AXIN1: variants seen among roughly 807,000 people sequenced by gnomAD.
AXIN1 encodes the protein axin-1.
In AXIN1, 30 loss-of-function variants were observed where a neutral mutation model predicts 76.4. The ratio of observed to expected loss-of-function variants is 0.39; its 90% CI spans 0.29 to 0.53. The LOEUF (loss-of-function observed/expected upper bound fraction) is 0.53, where lower values mean the gene tolerates loss of function less well. Among genes scored for constraint, AXIN1 ranks in the 20% least tolerant of loss-of-function variants. The pLI is 0.66. For missense variants in AXIN1, 1,140 were observed against 1,198.8 expected, an observed-to-expected ratio of 0.95 and a Z score of 0.72; for synonymous variants, 545 against 501.4, an observed-to-expected ratio of 1.09 and a Z score of -1.16.
chr16:340,835 G>A (rs955731563), intron 2 of AXIN1, among the ~76,000 whole-genome samples: 18 of 152,220 alleles, frequency 1.2e-4, no homozygotes, highest in Non-Finnish European at 7.3e-5. Context: ...GACCTAAGCA[G>A]AACACTTCAC....
intron 2 of AXIN1, among the ~76,000 whole-genome samples, chr16:318,580 G>A (rs1050096620): frequency 1.3e-5 from 2 of 152,164 alleles, no homozygotes; most frequent in Non-Finnish European, 2.9e-5. Flanking sequence ...TCAAAGACAC[G>A]TCCAAGGGGA....
At chr16:320,735 A>AT (rs1418979467) in intron 2 of AXIN1, among the ~76,000 whole-genome samples, 143 of 76,156 alleles carry the variant, frequency 1.9e-3, no homozygotes, top group South Asian at 0.012. Flanking sequence ...ATATATATAT[A>AT]TATATATATT....
intron 5 of AXIN1, chr16:298,918 G>A (rs536215997): frequency 1.1e-4 from 24 of 226,066 alleles, no homozygotes; most frequent in East Asian, 5.5e-4. Context: ...ACAGGTGTGC[G>A]CCACCACACC....
intron 2 of AXIN1, among the ~76,000 whole-genome samples, chr16:322,355 C>T (rs999244939): frequency 5.3e-5 from 8 of 152,206 alleles, no homozygotes; most frequent in Non-Finnish European, 8.8e-5. Flanking sequence ...GAGTATGTCT[C>T]CCCTCAACCC....
Position 293,348 on chromosome 16 carries a change from G to A in AXIN1, c.2186+140C>T. ...CGTGGCCCCTCAGTGGTTCTCAGTG[G>A]ATGGAAGGGCCCAGTATGGCTGGGG... On this transcript the variant is annotated intron_variant, in intron 8 of 10. Transcript: ENST00000262320. This position sits in a 1 kb window ranked among gnomAD's most constrained non-coding sequence, Gnocchi z 4.6. The A allele has an allele frequency of 1.2e-6, 1 of 850,972 alleles. No individual in the cohort carries two copies. The highest frequency in any genetic ancestry group is 1.8e-6 in the Non-Finnish European group (1 of 548,940). The allele number at this position is 850,972 out of a possible 1,614,324, so 52.7% of individuals were successfully genotyped here.
intron 9 of AXIN1, 29 bp downstream of exon 9, chr16:291,161 G>A (rs1199513244): frequency 6.4e-7 from 1 of 1,554,296 alleles, no homozygotes; most frequent in Non-Finnish European, 8.7e-7. Context: ...GGGTGGGCAG[G>A]ACCGGGAGGA....
chr16:343,843 C>T (rs9922256), intron 2 of AXIN1, among the ~76,000 whole-genome samples: 34,516 of 148,344 alleles, frequency 0.23, 4,058 homozygotes, highest in South Asian at 0.32. Context: ...CTGTCTCTAC[C>T]ACAAATACAA....
intron 2 of AXIN1, among the ~76,000 whole-genome samples, chr16:338,749 C>T (rs2053855809): frequency 6.6e-6 from 1 of 152,164 alleles, no homozygotes; most frequent in Non-Finnish European, 1.5e-5. Context: ...ATGGCGAAAC[C>T]TTGTCTCTAC....
At chr16:291,579 G>GC in intron 8 of AXIN1, 1 of 517,034 alleles carries the variant, frequency 1.9e-6, no homozygotes, top group Admixed American at 3.1e-5. Context: ...AGGGGTGCTG[G>GC]GATCCCACCA....
intron 5 of AXIN1, among the ~76,000 whole-genome samples, chr16:299,686 C>A (rs899270572): frequency 1.3e-5 from 2 of 149,694 alleles, no homozygotes; most frequent in East Asian, 4.0e-4. Flanking sequence ...GACAGAGTCT[C>A]GCTCTGTCAC....
intron 2 of AXIN1, among the ~76,000 whole-genome samples, chr16:344,789 G>A (rs1302058580): frequency 1.3e-5 from 2 of 152,122 alleles, no homozygotes; most frequent in East Asian, 1.9e-4. Context: ...GCGCCCAGTC[G>A]ACAGTCCATC....
intron 4 of AXIN1, among the ~76,000 whole-genome samples, chr16:305,977 A>G (rs2053013075): frequency 6.6e-6 from 1 of 152,098 alleles, no homozygotes; most frequent in African/African-American, 2.4e-5. Context: ...TGTAACTTTC[A>G]AGGGTACTTC....
chr16:352,273 C>G (rs1263635592), intron 1 of AXIN1, 96 bp downstream of exon 1: 2 of 778,002 alleles, frequency 2.6e-6, no homozygotes, highest in South Asian at 5.7e-5. Flanking sequence ...CCCCTCGGTC[C>G]CACGCGCGTC....
chr16:312,677 A>G (rs902177234), intron 3 of AXIN1, among the ~76,000 whole-genome samples: 3 of 150,942 alleles, frequency 2.0e-5, no homozygotes, highest in Admixed American at 2.0e-4. Context: ...AAATTAAACG[A>G]GGATGAAAGA....
intron 8 of AXIN1, 107 bp from the exon 9 acceptor site, chr16:291,404 C>T (rs542810382): frequency 2.7e-5 from 25 of 933,340 alleles, no homozygotes; most frequent in African/African-American, 2.6e-4. Context: ...GTGAAGGGCC[C>T]GAACAACCCA....
chr16:288,389 C>G, intron 10 of AXIN1, 141 bp from the exon 11 acceptor site: 1 of 1,249,534 alleles, frequency 8.0e-7, no homozygotes, highest in Non-Finnish European at 1.1e-6. Flanking sequence ...ATGTGCGCCC[C>G]CTCCCAGGGC....
chr16:304,589 C>T (rs1027704129), intron 4 of AXIN1, 148 bp from the exon 5 acceptor site: 4 of 1,283,754 alleles, frequency 3.1e-6, no homozygotes, highest in Non-Finnish European at 4.3e-6. Flanking sequence ...GGCTGGAGTG[C>T]AATGGCGTGA....
chr16:335,362 C>G (rs976768504), intron 2 of AXIN1, among the ~76,000 whole-genome samples: 1 of 152,178 alleles, frequency 6.6e-6, no homozygotes, highest in African/African-American at 2.4e-5. Context: ...ACACAGCACA[C>G]AGTACCACAG....
At position 329,231 on chromosome 16, in the gene AXIN1, C is replaced by T. The variant is rs555972740; in HGVS notation, c.879-14548G>A. 6.4e-5 allele frequency among the ~76,000 whole-genome samples: 9 copies of T among 139,816 alleles called. No homozygotes were observed. The East Asian group carries it at 1.5e-3, about 23-fold the overall frequency. 91.7% of individuals were successfully genotyped at this position (139,816 alleles called of 152,430 possible). A position where few individuals can be genotyped will look rare whatever the true frequency, so the allele number is the denominator to read the frequency against. Reference sequence around the variant, plus strand: ...GGCAGAGGTTGCAGTGAGCTGACATCGCGCCACTGCACTCCAGCCTGGGCG... The same window carrying T: ...GGCAGAGGTTGCAGTGAGCTGACATTGCGCCACTGCACTCCAGCCTGGGCG... On this transcript the variant is annotated intron_variant, in intron 2 of 10. Coordinates refer to ENST00000262320, the MANE Select transcript of AXIN1 (RefSeq NM_003502.4).
Sources: gnomAD v4.1 joint callset for allele counts (sites outside exome capture counted in the v4.1 genomes callset) on GRCh38, gnomAD v4.1.1 for gene constraint, Gnocchi (gnomAD v3.1) non-coding constraint, MANE v1.5 for transcripts, NCBI Gene and HGNC (gene_info 2026-07-23, HGNC 2026-07-21) for gene names.